Variants in PSMB2 observed in about 807,000 individuals in gnomAD.
The protein encoded by PSMB2 is proteasome 20S subunit beta 2, also known as proteasome subunit beta type-2.
In PSMB2, 13 loss-of-function variants were observed where a neutral mutation model predicts 25.7. The observed-to-expected ratio is 0.51, with a 90% CI of 0.33 to 0.80. The LOEUF (loss-of-function observed/expected upper bound fraction) is 0.80, where lower values mean the gene tolerates loss of function less well. Ranked by LOEUF, PSMB2 falls within the 30% of genes least tolerant of loss-of-function variation. The pLI, the probability that PSMB2 is intolerant of heterozygous loss-of-function variation, is 0.02. For missense variants in PSMB2, 202 were observed against 259.0 expected (o/e 0.78, Z 1.51); for synonymous variants, 87 against 96.2 (o/e 0.90, Z 0.56).
chr1:35,632,322 C>T (rs962058857), intron 2 of PSMB2, among the ~76,000 whole-genome samples: 2 of 152,142 alleles, frequency 1.3e-5, no homozygotes, highest in African/African-American at 2.4e-5. Context: ...GAGCTTAATC[C>T]CCCTGTAGAA....
intron 4 of PSMB2, 88 bp downstream of exon 4, chr1:35,609,158 G>A (rs2148563520): frequency 7.7e-7 from 1 of 1,300,160 alleles, no homozygotes; most frequent in Non-Finnish European, 1.0e-6. Flanking sequence ...TCAAGCCCTG[G>A]CCACCCAACT....
At chr1:35,612,273 C>A (rs1290195967) in intron 3 of PSMB2, among the ~76,000 whole-genome samples, 1 of 151,736 alleles carries the variant, frequency 6.6e-6, no homozygotes, top group African/African-American at 2.4e-5. Flanking sequence ...AAAAACTTAA[C>A]CCCTATGAGC....
chr1:35,622,466 G>C (rs957856700), intron 3 of PSMB2, among the ~76,000 whole-genome samples: 1 of 152,096 alleles, frequency 6.6e-6, no homozygotes, highest in African/African-American at 2.4e-5. Context: ...ACCTTAATAG[G>C]AAATCACAAA....
chr1:35,637,296 T>A (rs943916217), intron 1 of PSMB2, among the ~76,000 whole-genome samples: 9 of 152,094 alleles, frequency 5.9e-5, no homozygotes, highest in African/African-American at 1.7e-4. Flanking sequence ...AAATTCCACT[T>A]CCAAAGAAAA....
At chr1:35,619,369 G>A (rs961508543) in intron 3 of PSMB2, among the ~76,000 whole-genome samples, 24 of 152,110 alleles carry the variant, frequency 1.6e-4, no homozygotes, top group African/African-American at 3.4e-4. Flanking sequence ...TATAAGATAG[G>A]CATGTACTTC....
chr1:35,634,322 T>C (rs754072229), intron 2 of PSMB2, among the ~76,000 whole-genome samples: 12 of 152,338 alleles, frequency 7.9e-5, no homozygotes, highest in Non-Finnish European at 1.6e-4. Flanking sequence ...ACTTATCACA[T>C]AAAAAATAGT....
intron 1 of PSMB2, 100 bp downstream of exon 1, chr1:35,641,242 A>G: frequency 1.4e-6 from 2 of 1,454,184 alleles, no homozygotes; most frequent in Non-Finnish European, 9.4e-7. Flanking sequence ...GCCGGCTTCC[A>G]TCTCTCAGAT....
chr1:35,599,973 A>G lies in PSMB2; in HGVS notation c.*3294T>C, dbSNP rs1649942140. 2.9e-6 allele frequency: 2 copies of G among 686,754 alleles called. No homozygotes were observed. The highest frequency in any genetic ancestry group is 3.6e-6 in the Non-Finnish European group (2 of 557,596). 42.5% of individuals were successfully genotyped at this position (686,754 alleles called of 1,614,324 possible). On this transcript the variant is annotated 3_prime_UTR_variant, in exon 6 of 6. Transcript: ENST00000373237. ...CATGGCGAGACCCTGTCTCTACAAAAAATTTTGACAAAATTAGCTGGGTGC... is the reference window on the plus strand; with the variant it reads ...CATGGCGAGACCCTGTCTCTACAAAGAATTTTGACAAAATTAGCTGGGTGC...
chr1:35,625,106 T>C (rs945842072), intron 3 of PSMB2, among the ~76,000 whole-genome samples: 3 of 151,876 alleles, frequency 2.0e-5, no homozygotes, highest in African/African-American at 7.3e-5. Flanking sequence ...GTGAGTATCC[T>C]GAAGCAGCTT....
chr1:35,626,081 G>A lies in PSMB2; in HGVS notation c.285+5193C>T, dbSNP rs148611715. 4.5e-3 allele frequency among the ~76,000 whole-genome samples: 688 copies of A among 152,198 alleles called. 4 individuals carry two copies. The highest frequency in any genetic ancestry group is 7.7e-3 in the Non-Finnish European group (521 of 68,004). Reference sequence around the variant, plus strand: ...TTGAACTCCTGGGCTCAACTGATCTGTCCATCTTGGCCTCCCAAAGTGCTA... The same window carrying A: ...TTGAACTCCTGGGCTCAACTGATCTATCCATCTTGGCCTCCCAAAGTGCTA... On this transcript the variant is annotated intron_variant, in intron 3 of 5. Transcript: ENST00000373237.
At chr1:35,612,384 C>T (rs1650368517) in intron 3 of PSMB2, among the ~76,000 whole-genome samples, 1 of 151,486 alleles carries the variant, frequency 6.6e-6, no homozygotes, top group African/African-American at 2.4e-5. Flanking sequence ...AACGGTAAAA[C>T]AACCCAAACT....
rs72901213 is a variant in PSMB2, at chr1:35,620,269, T to C, written c.286-10861A>G. 1.7e-3 allele frequency among the ~76,000 whole-genome samples: 255 copies of C among 152,314 alleles called. 2 individuals are homozygous for C. The highest frequency in any genetic ancestry group is 5.9e-3 in the African/African-American group (244 of 41,566). ...ATTAAGGAAATTCTGAGGAAAAGAC[T>C]ATTTAGGAGCCCTTCTATTAGAACC... is the stretch of plus-strand genomic sequence containing the variant. On this transcript the variant is annotated intron_variant, in intron 3 of 5. Transcript: ENST00000373237.
Position 35,599,977 on chromosome 1 carries a change from T to G in PSMB2, c.*3290A>C, listed in dbSNP as rs1346577881. The G allele has an allele frequency of 1.5e-6, 1 of 671,292 alleles. No individual in the cohort carries two copies. Among genetic ancestry groups the G allele is most frequent in the Non-Finnish European group, 1.8e-6 (1 of 543,668 alleles). 41.6% of individuals were successfully genotyped at this position (671,292 alleles called of 1,614,324 possible). On this transcript the variant is annotated 3_prime_UTR_variant, in exon 6 of 6. Transcript: ENST00000373237. Reference sequence around the variant, plus strand: ...GCGAGACCCTGTCTCTACAAAAAATTTTGACAAAATTAGCTGGGTGCAGTG... The same window carrying G: ...GCGAGACCCTGTCTCTACAAAAAATGTTGACAAAATTAGCTGGGTGCAGTG...
chr1:35,610,015 G>T (rs916011597), intron 3 of PSMB2, among the ~76,000 whole-genome samples: 5 of 152,240 alleles, frequency 3.3e-5, no homozygotes, highest in Admixed American at 3.3e-4. Context: ...TGAAACCAAC[G>T]AACAATTCTG....
At chr1:35,622,635 C>CG (rs1650722393) in intron 3 of PSMB2, among the ~76,000 whole-genome samples, 1 of 151,862 alleles carries the variant, frequency 6.6e-6, no homozygotes, top group Non-Finnish European at 1.5e-5. Flanking sequence ...TCAATGAGCA[C>CG]GGGGGTTCTC....
At chr1:35,636,056 G>C (rs1467155738) in intron 2 of PSMB2, among the ~76,000 whole-genome samples, 1 of 152,056 alleles carries the variant, frequency 6.6e-6, no homozygotes. Flanking sequence ...CAACATGACT[G>C]GTATTCTTAG....
At chr1:35,608,308 T>A (rs1214548031) in intron 4 of PSMB2, among the ~76,000 whole-genome samples, 1 of 150,610 alleles carries the variant, frequency 6.6e-6, no homozygotes, top group Non-Finnish European at 1.5e-5. Context: ...GAGGTTGCTG[T>A]GAGCCGAGAT....
At chr1:35,618,244 A>T (rs1650565749) in intron 3 of PSMB2, among the ~76,000 whole-genome samples, 2 of 152,170 alleles carry the variant, frequency 1.3e-5, no homozygotes, top group South Asian at 4.1e-4. Flanking sequence ...AGGGAGAAAG[A>T]AGAGTGAGGA....
At chr1:35,613,667 C>T (rs1217255220) in intron 3 of PSMB2, among the ~76,000 whole-genome samples, 1 of 152,200 alleles carries the variant, frequency 6.6e-6, no homozygotes, top group East Asian at 1.9e-4. Flanking sequence ...CTTTCTACCT[C>T]CCTCTAGACA....
Sources: gnomAD v4.1 joint callset for allele counts (sites outside exome capture counted in the v4.1 genomes callset) on GRCh38, gnomAD v4.1.1 for gene constraint, MANE v1.5 for transcripts, NCBI Gene and HGNC (gene_info 2026-07-23, HGNC 2026-07-21) for gene names.